SGCD: variants seen among roughly 807,000 people sequenced by gnomAD.
SGCD encodes the protein sarcoglycan delta.
A neutral mutation model predicts 36.6 loss-of-function variants in SGCD; 18 were observed. The ratio of observed to expected loss-of-function variants is 0.49; its 90% CI spans 0.34 to 0.73. The LOEUF (loss-of-function observed/expected upper bound fraction) is 0.73, where lower values mean the gene tolerates loss of function less well. SGCD is among the 30% of genes least tolerant of loss of function. The probability of loss-of-function intolerance (pLI) is 0.01; values close to 1 mark genes in which losing one functional copy is unlikely to be tolerated. For synonymous variants in SGCD, 133 were observed against 130.6 expected (o/e 1.02, Z -0.12); for missense variants, 387 against 346.7 (o/e 1.12, Z -0.92).
At chr5:155,806,232 G>A in the SGCD span, among the ~76,000 whole-genome samples, 2 of 152,122 alleles carry the variant, frequency 1.3e-5, no homozygotes, top group Admixed American at 6.5e-5. Flanking sequence ...TCAAATCACC[G>A]CCACCTCCGC....
chr5:155,976,633 G>A (rs1015065235), intron 1 of SGCD, among the ~76,000 whole-genome samples: 56 of 152,276 alleles, frequency 3.7e-4, no homozygotes, highest in Middle Eastern at 3.4e-3. Context: ...CAGGGAGAGC[G>A]TGTGTTGTTT....
intron 2 of SGCD, among the ~76,000 whole-genome samples, chr5:156,123,656 T>A (rs1404783289): frequency 6.6e-6 from 1 of 152,142 alleles, no homozygotes; most frequent in Non-Finnish European, 1.5e-5. Flanking sequence ...AGCCTTGATA[T>A]ACTATGAAAT....
chr5:156,307,361 G>A (rs1386934942), intron 3 of SGCD, among the ~76,000 whole-genome samples: 2 of 152,134 alleles, frequency 1.3e-5, no homozygotes, highest in Non-Finnish European at 2.9e-5. Context: ...TCTTTAAAAT[G>A]TCAACGTATT....
the SGCD span, among the ~76,000 whole-genome samples, chr5:155,793,603 G>A: frequency 5.3e-5 from 8 of 151,072 alleles, no homozygotes; most frequent in African/African-American, 1.9e-4. Context: ...GTGCAGTGGT[G>A]TGATCTCAGC....
At chr5:156,343,222 T>C (rs1362127493) in intron 2 of SGCD, among the ~76,000 whole-genome samples, 2 of 152,248 alleles carry the variant, frequency 1.3e-5, no homozygotes, top group Non-Finnish European at 2.9e-5. Flanking sequence ...CACCACATAT[T>C]ACTAATTTAT....
At chr5:156,448,389 A>T (rs1216086564) in intron 3 of SGCD, among the ~76,000 whole-genome samples, 2 of 152,148 alleles carry the variant, frequency 1.3e-5, no homozygotes, top group African/African-American at 2.4e-5. Flanking sequence ...GGGATGAAGT[A>T]TATTGGCCTC....
chr5:156,035,241 C>T (rs1759458658), intron 1 of SGCD, among the ~76,000 whole-genome samples: 1 of 152,098 alleles, frequency 6.6e-6, no homozygotes, highest in African/African-American at 2.4e-5. Flanking sequence ...TGAATTCTAC[C>T]ATCTACTCGT....
chr5:156,069,191 C>T (rs1204118020), intron 1 of SGCD, among the ~76,000 whole-genome samples: 1 of 152,086 alleles, frequency 6.6e-6, no homozygotes, highest in Non-Finnish European at 1.5e-5. Flanking sequence ...GACATAAAGT[C>T]CTTGCCCATG....
At chr5:156,748,947 T>C (rs1394774244) in intron 7 of SGCD, among the ~76,000 whole-genome samples, 2 of 152,052 alleles carry the variant, frequency 1.3e-5, no homozygotes, top group Non-Finnish European at 2.9e-5. Flanking sequence ...GTATTTTCAG[T>C]AGAGATGGGG....
At chr5:155,935,632 G>A (rs887026091) in intron 1 of SGCD, among the ~76,000 whole-genome samples, 1 of 152,192 alleles carries the variant, frequency 6.6e-6, no homozygotes, top group African/African-American at 2.4e-5. Flanking sequence ...CAAGGGAATA[G>A]CTAGTGCAAA....
the SGCD span, among the ~76,000 whole-genome samples, chr5:155,751,294 T>A: frequency 1.3e-5 from 2 of 152,180 alleles, no homozygotes; most frequent in African/African-American, 4.8e-5. Context: ...GATATGCATG[T>A]TTTTATACCT....
Position 156,344,507 on chromosome 5 carries a change from A to T in SGCD, c.22A>T (p.Thr8Ser). 6.2e-7 allele frequency: 1 copy of T among 1,603,352 alleles called. No homozygotes were observed. The highest frequency in any genetic ancestry group is 8.5e-7 in the Non-Finnish European group (1 of 1,175,668). ...ATTTCAGATGCCTCAGGAGCAGTAC[A>T]CTCACCACCGGAGCACCATGCCTGG... MMPQEQYTHHRSTMPGSV... is the reference protein window; with the variant it reads MMPQEQYSHHRSTMPGSV... Residue 8 changes from threonine to serine, a missense_variant, in exon 3 of 9, where the codon ACT (threonine) becomes TCT (serine). Thr to Ser is a moderately conservative substitution (Grantham distance 58). Coordinates refer to ENST00000337851, the MANE Select transcript of SGCD (RefSeq NM_000337.6).
rs116578570 is a variant in SGCD, at chr5:155,938,366, T to C, written c.-282+67942T>C. On this transcript the variant is annotated intron_variant, in intron 1 of 9. Coordinates refer to the SGCD transcript ENST00000517913. ...TAGGGAATCACTTGAGATTGAATTT[T>C]TCATCTGACAGCCCCTTCTGAGTTT... 3.7e-3 allele frequency among the ~76,000 whole-genome samples: 568 copies of C among 152,306 alleles called. 4 individuals carry two copies. Among genetic ancestry groups the C allele is most frequent in the African/African-American group, 0.013 (549 of 41,560 alleles).
At chr5:155,732,616 A>C in the SGCD span, among the ~76,000 whole-genome samples, 4 of 152,194 alleles carry the variant, frequency 2.6e-5, no homozygotes, top group African/African-American at 9.7e-5. Flanking sequence ...TCACCACACC[A>C]GTAGTTGTCA....
intron 4 of SGCD, among the ~76,000 whole-genome samples, chr5:156,556,130 A>T (rs1485571224): frequency 1.3e-5 from 2 of 151,576 alleles, no homozygotes; most frequent in Non-Finnish European, 2.9e-5. Flanking sequence ...GAAAAAAAAA[A>T]AAAAACCCAG....
At chr5:155,835,300 G>A in the SGCD span, among the ~76,000 whole-genome samples, 17 of 151,950 alleles carry the variant, frequency 1.1e-4, no homozygotes, top group Admixed American at 1.3e-4. Flanking sequence ...GAGCCACTGC[G>A]CCCGGCCTTG....
chr5:156,540,606 C>A (rs1241947051), intron 4 of SGCD, among the ~76,000 whole-genome samples: 2 of 152,142 alleles, frequency 1.3e-5, no homozygotes, highest in African/African-American at 4.8e-5. Flanking sequence ...CCTTGATAGA[C>A]CTTAAACTTG....
At chr5:156,462,913 C>T (rs1330130286) in intron 3 of SGCD, among the ~76,000 whole-genome samples, 1 of 152,108 alleles carries the variant, frequency 6.6e-6, no homozygotes, top group Non-Finnish European at 1.5e-5. Context: ...CTTATGCAGA[C>T]TTATGAATAA....
At chr5:155,984,306 T>A (rs1758286870) in intron 1 of SGCD, among the ~76,000 whole-genome samples, 1 of 152,194 alleles carries the variant, frequency 6.6e-6, no homozygotes, top group Non-Finnish European at 1.5e-5. Flanking sequence ...TCTATGCATC[T>A]GTCAGTCATA....
Sources: allele counts gnomAD v4.1 joint callset (sites outside exome capture counted in the v4.1 genomes callset), GRCh38; gene constraint gnomAD v4.1.1; transcripts MANE v1.5; gene names NCBI Gene and HGNC (gene_info 2026-07-23, HGNC 2026-07-21).